Variants in EXOC3L2 observed in about 807,000 individuals in gnomAD.
EXOC3L2 encodes the protein exocyst complex component 3 like 2, also known as exocyst complex component 3-like protein 2.
EXOC3L2 carries 17 observed loss-of-function variants against 44.4 expected under a neutral mutation model. That is an observed-to-expected ratio of 0.38 (90% CI 0.26 to 0.57). EXOC3L2 has a LOEUF of 0.57. Ranked by LOEUF, EXOC3L2 falls within the 20% of genes least tolerant of loss-of-function variation. EXOC3L2 has a pLI of 0.65. For synonymous variants in EXOC3L2, 256 were observed against 253.7 expected (o/e 1.01, Z -0.09); for missense variants, 541 against 588.4 (o/e 0.92, Z 0.83).
rs530109127 is a variant in EXOC3L2 at position 45,213,107 on chromosome 19, G to T, written c.2371C>A (p.Arg791=). 3.9e-6 allele frequency: 6 copies of T among 1,538,464 alleles called. No homozygotes were observed. The highest frequency in any genetic ancestry group is 2.0e-4 in the Middle Eastern group (1 of 5,012). Reference sequence around the variant, plus strand: ...CGAGGTCGCGCTAGAGACGGAGGCCGGGGCCGAGGCAGACAGGCCAAACTG... The same window carrying T: ...CGAGGTCGCGCTAGAGACGGAGGCCTGGGCCGAGGCAGACAGGCCAAACTG... ...RPSLACLPRP[R]PPSLARPRAQ... is the part of the protein sequence containing the mutation. Residue 791 remains arginine (R), a synonymous_variant, in exon 12 of 12, where the codon CGG becomes AGG. Coordinates refer to ENST00000413988, the MANE Select transcript of EXOC3L2 (RefSeq NM_001382422.1).
At chr19:45,239,838 A>C (rs185208507) in intron 1 of EXOC3L2, among the ~76,000 whole-genome samples, 8 of 152,046 alleles carry the variant, frequency 5.3e-5, no homozygotes, top group African/African-American at 1.9e-4. Context: ...TCTCTATCTT[A>C]AGTTGATCCT....
intron 8 of EXOC3L2, among the ~76,000 whole-genome samples, chr19:45,222,080 GGC>G (rs986139409): frequency 6.6e-6 from 1 of 151,702 alleles, no homozygotes; most frequent in African/African-American, 2.4e-5. Context: ...TCATGCACAC[GGC>G]GCACACACAC....
chr19:45,239,583 C>T (rs1192417141), intron 1 of EXOC3L2, among the ~76,000 whole-genome samples: 2 of 150,066 alleles, frequency 1.3e-5, no homozygotes, highest in South Asian at 4.2e-4. Flanking sequence ...TGCAGTGGCA[C>T]GATCTCGGCT....
chr19:45,217,835 C>T (rs1460402814), intron 9 of EXOC3L2, 152 bp from the exon 10 acceptor site: 2 of 960,836 alleles, frequency 2.1e-6, no homozygotes. Context: ...GTCCCCAGCC[C>T]CTGAGCTATC....
Position 45,217,946 on chromosome 19 carries a change from T to C in EXOC3L2, c.1842+251A>G, listed in dbSNP as rs371779671. Among the ~76,000 whole-genome samples the C allele has an allele frequency of 7.9e-5, 12 of 151,630 alleles. No homozygotes were observed. In the South Asian group the frequency reaches 2.5e-3, roughly 32 times the overall value. ...CCTCTCCCCATTCCCCAAGCTCCAC[T>C]CTCAGGGGCCCTGACTCAGTCTGCA... On this transcript the variant is annotated intron_variant, in intron 9 of 11. Coordinates refer to ENST00000413988, the MANE Select transcript of EXOC3L2 (RefSeq NM_001382422.1).
Position 45,219,635 on chromosome 19 carries a change from G to A in EXOC3L2, c.1720-1316C>T, listed in dbSNP as rs1054850896. Reference sequence around the variant, plus strand: ...TTTCTCTCCACCCTTGAGTAGATCCGGTATTTGACGAAACTTGTGAAAGTG... The same window carrying A: ...TTTCTCTCCACCCTTGAGTAGATCCAGTATTTGACGAAACTTGTGAAAGTG... On this transcript the variant is annotated intron_variant, in intron 8 of 11. Transcript: ENST00000413988. Among the ~76,000 whole-genome samples the A allele has an allele frequency of 4.6e-5, 7 of 152,110 alleles. No homozygotes were observed. The South Asian group carries it at 1.2e-3, about 27-fold the overall frequency.
intron 11 of EXOC3L2, among the ~76,000 whole-genome samples, chr19:45,213,713 G>A (rs896277553): frequency 2.6e-5 from 4 of 151,984 alleles, no homozygotes; most frequent in Non-Finnish European, 5.9e-5. Context: ...GGGGGGCCAA[G>A]GCAGGCGGAT....
intron 1 of EXOC3L2, among the ~76,000 whole-genome samples, chr19:45,244,383 TC>T (rs1970153462): frequency 1.3e-5 from 2 of 151,890 alleles, no homozygotes; most frequent in African/African-American, 2.4e-5. Flanking sequence ...CATCTGACTT[TC>T]CCCCACCTGG....
chr19:45,221,321 G>C (rs1241884634), intron 8 of EXOC3L2, among the ~76,000 whole-genome samples: 1 of 151,758 alleles, frequency 6.6e-6, no homozygotes, highest in Non-Finnish European at 1.5e-5. Flanking sequence ...TGGGATTACA[G>C]GTGAGAGCCA....
intron 9 of EXOC3L2, 30 bp downstream of exon 9, chr19:45,218,167 C>G: frequency 1.5e-6 from 2 of 1,308,442 alleles, no homozygotes; most frequent in East Asian, 5.6e-5. Flanking sequence ...TTCCCCCACC[C>G]CCACCTCCCC....
Position 45,212,837 on chromosome 19 carries a change from C to CA in EXOC3L2, c.*231dup, listed in dbSNP as rs1969789646. ...CTGGTCTTGAACTCCTGGGCTCAAG[C>CA]AATCCTCCGGCCTCAGCCTCCCAAA... is the stretch of plus-strand genomic sequence containing the variant. On this transcript the variant is annotated 3_prime_UTR_variant, in exon 12 of 12. Transcript: ENST00000413988. The CA allele has an allele frequency of 4.3e-6, 2 of 460,950 alleles. No individual in the cohort carries two copies. Among genetic ancestry groups the CA allele is most frequent in the Non-Finnish European group, 3.7e-6 (1 of 269,870 alleles). 28.6% of individuals were successfully genotyped at this position (460,950 alleles called of 1,614,324 possible).
intron 8 of EXOC3L2, among the ~76,000 whole-genome samples, chr19:45,222,743 C>T (rs2122965298): frequency 6.6e-6 from 1 of 152,094 alleles, no homozygotes; most frequent in South Asian, 2.1e-4. Flanking sequence ...AACAATTTAA[C>T]AAAAACAAAA....
At chr19:45,220,786 C>T (rs73034893) in intron 8 of EXOC3L2, among the ~76,000 whole-genome samples, 10,354 of 150,486 alleles carry the variant, frequency 0.069, 410 homozygotes, top group African/African-American at 0.096. Context: ...GGGAGAGGGT[C>T]AGATTTGTGC....
At chr19:45,219,356 T>C (rs1002072228) in intron 8 of EXOC3L2, among the ~76,000 whole-genome samples, 1 of 133,604 alleles carries the variant, frequency 7.5e-6, no homozygotes, top group African/African-American at 3.0e-5. Context: ...ATCATGATAC[T>C]GCACTCCAGC....
chr19:45,219,393 C>CAAAAAAAAAAAAAAAAAAAAAAA (rs950797638), intron 8 of EXOC3L2, among the ~76,000 whole-genome samples: 7 of 51,546 alleles, frequency 1.4e-4, no homozygotes, highest in African/African-American at 2.9e-4. Flanking sequence ...GGCCCCGTCT[C>CAAAAAAAAAAAAAAAAAAAAAAA]AAAAAAAAAA....
chr19:45,231,903 T>C (rs781323519), intron 3 of EXOC3L2, 29 bp from the exon 4 acceptor site: 2 of 1,521,940 alleles, frequency 1.3e-6, no homozygotes, highest in South Asian at 2.3e-5. Flanking sequence ...GAAAAGGAGG[T>C]CTGTGAAAAG....
intron 4 of EXOC3L2, among the ~76,000 whole-genome samples, chr19:45,230,358 A>C (rs1970018074): frequency 6.6e-6 from 1 of 152,120 alleles, no homozygotes; most frequent in South Asian, 2.1e-4. Flanking sequence ...AGCTGGGACT[A>C]TAGGCACCCG....
rs1394876277 is a variant in EXOC3L2, at chr19:45,212,536, T to C, written c.*533A>G. The stretch of plus-strand genomic sequence containing the variant: ...TGGGCTATGGCAGGAGGGGAGGTGC[T>C]GGGAACAGGCTTCATGGCCTTGGGA... On this transcript the variant is annotated 3_prime_UTR_variant, in exon 12 of 12. Coordinates refer to ENST00000413988, the MANE Select transcript of EXOC3L2 (RefSeq NM_001382422.1). The C allele has an allele frequency of 6.6e-6, 1 of 151,262 alleles. No individual in the cohort carries two copies. Among genetic ancestry groups the C allele is most frequent in the Non-Finnish European group, 1.5e-5 (1 of 68,108 alleles). 9.4% of individuals were successfully genotyped at this position (151,262 alleles called of 1,614,324 possible).
chr19:45,218,158 T>TAG, intron 9 of EXOC3L2, 39 bp downstream of exon 9: 20 of 1,034,892 alleles, frequency 1.9e-5, no homozygotes, highest in Non-Finnish European at 2.4e-5. Flanking sequence ...TCCCCTCTTT[T>TAG]CCCCCACCCC....
Sources: allele counts gnomAD v4.1 joint callset (sites outside exome capture counted in the v4.1 genomes callset), GRCh38; gene constraint gnomAD v4.1.1; transcripts MANE v1.5; gene names NCBI Gene and HGNC (gene_info 2026-07-23, HGNC 2026-07-21).